ITSN1: variants seen among roughly 807,000 people sequenced by gnomAD.
ITSN1 encodes the protein intersectin 1.
Under a neutral mutation model 239.8 loss-of-function variants are expected in ITSN1, and 58 were observed. The ratio of observed to expected loss-of-function variants is 0.24; its 90% CI spans 0.20 to 0.30. ITSN1 has a LOEUF of 0.30. ITSN1 is among the 10% of genes least tolerant of loss of function. The probability of loss-of-function intolerance (pLI) is 1.00; values close to 1 mark genes in which losing one functional copy is unlikely to be tolerated. For synonymous variants in ITSN1, 780 were observed against 770.8 expected (o/e 1.01, Z -0.20); for missense variants, 1,558 against 2,103.3 (o/e 0.74, Z 5.07).
intron 25 of ITSN1, among the ~76,000 whole-genome samples, chr21:33,825,305 T>C (rs1302329860): frequency 6.6e-6 from 1 of 152,014 alleles, no homozygotes. Flanking sequence ...TAGATATACA[T>C]CTAGCTATAC....
At chr21:33,752,374 T>G (rs1343471619) in intron 7 of ITSN1, among the ~76,000 whole-genome samples, 1 of 152,174 alleles carries the variant, frequency 6.6e-6, no homozygotes, top group Non-Finnish European at 1.5e-5. Flanking sequence ...AAAATCCTAT[T>G]AAAGACGATT....
At chr21:33,781,635 C>T (rs2070189708) in intron 15 of ITSN1, 87 bp downstream of exon 15, 4 of 764,406 alleles carry the variant, frequency 5.2e-6, no homozygotes, top group South Asian at 2.0e-5. Context: ...GGCTGGAGTG[C>T]AGTGGCGCAA....
At chr21:33,848,439 G>T (rs1386092959) in intron 29 of ITSN1, among the ~76,000 whole-genome samples, 1 of 152,166 alleles carries the variant, frequency 6.6e-6, no homozygotes, top group African/African-American at 2.4e-5. Context: ...TTGTTTAAGC[G>T]GCTGGGTCTG....
In ITSN1 at chr21:33,883,596, C is replaced by T; in HGVS notation, c.4601C>T (p.Ser1534Phe). 4 of 1,613,984 alleles carry T rather than the reference C, an allele frequency of 2.5e-6. No homozygotes were observed. Among genetic ancestry groups the T allele is most frequent in the Non-Finnish European group, 3.4e-6 (4 of 1,179,876 alleles). Residue 1534 changes from serine (S) to phenylalanine (F), a missense_variant, in exon 36 of 40, where the codon TCT becomes TTT. Physicochemically the swap from Ser to Phe is radical, Grantham distance 155. Coordinates refer to ENST00000381318, the MANE Select transcript of ITSN1 (RefSeq NM_003024.3). ...EVLVKLPTDP[S>F]GDEPIFHISH... ...CTAGTAAAATTACCCACCGACCCTT[C>T]TGGAGACGAGCCCATCTTCCACATC...
intron 5 of ITSN1, among the ~76,000 whole-genome samples, chr21:33,742,699 G>A (rs1034124356): frequency 1.3e-5 from 2 of 152,184 alleles, no homozygotes; most frequent in Admixed American, 1.3e-4. Context: ...AAATGACTGG[G>A]AGTGGAATCA....
chr21:33,851,716 G>A (rs1286020970), intron 29 of ITSN1, among the ~76,000 whole-genome samples: 1 of 139,344 alleles, frequency 7.2e-6, no homozygotes, highest in Non-Finnish European at 1.6e-5. Flanking sequence ...TTTTTTTAAT[G>A]CTTGCTATTT....
chr21:33,673,656 G>T (rs1178197817), intron 1 of ITSN1, among the ~76,000 whole-genome samples: 5 of 151,142 alleles, frequency 3.3e-5, no homozygotes, highest in Non-Finnish European at 7.4e-5. Context: ...ACCCCTCAGT[G>T]GGGGTAATCC....
chr21:33,733,477 A>T (rs2147240828), intron 4 of ITSN1, among the ~76,000 whole-genome samples: 1 of 152,324 alleles, frequency 6.6e-6, no homozygotes, highest in Non-Finnish European at 1.5e-5. Context: ...ATGATAAAAG[A>T]AATATTTTAT....
chr21:33,869,353 C>T (rs1469168874), intron 33 of ITSN1, among the ~76,000 whole-genome samples: 1 of 152,148 alleles, frequency 6.6e-6, no homozygotes, highest in East Asian at 1.9e-4. Flanking sequence ...AAACCCCTTA[C>T]AAAACCATCA....
chr21:33,687,235 G>GA (rs34401325), intron 1 of ITSN1, among the ~76,000 whole-genome samples: 18,306 of 139,336 alleles, frequency 0.13, 1,294 homozygotes, highest in East Asian at 0.26. Context: ...TGTCTCAAAA[G>GA]AAAAAAAAAA....
chr21:33,720,229 A>G (rs1049213541), intron 2 of ITSN1, among the ~76,000 whole-genome samples: 3 of 152,202 alleles, frequency 2.0e-5, no homozygotes, highest in Admixed American at 1.3e-4. Context: ...CAGTGACTGA[A>G]TGGATTTTTA....
intron 33 of ITSN1, among the ~76,000 whole-genome samples, chr21:33,867,810 TTC>T (rs1555966759): frequency 8.1e-5 from 12 of 147,922 alleles, no homozygotes; most frequent in South Asian, 2.2e-4. Context: ...AGTTTCTTCC[TTC>T]TGGTGGGTTC....
intron 1 of ITSN1, among the ~76,000 whole-genome samples, chr21:33,656,811 A>T (rs529758783): frequency 1.3e-4 from 20 of 152,256 alleles, no homozygotes; most frequent in Non-Finnish European, 2.6e-4. Context: ...ACCAGGTTCA[A>T]GCAATTCTCC....
At position 33,767,809 on chromosome 21, in the gene ITSN1, A is replaced by G; in HGVS notation, c.1023A>G (p.Gln341=). ...EEPVLEDEQQ[Q]LEKKLPVTFE... ...CAGTTTTAGAAGATGAACAACAACA[A>G]TTAGAAAAGAAATTACCTGGTAAGG... is the stretch of plus-strand genomic sequence containing the variant. Residue 341 remains glutamine, a synonymous_variant, in exon 11 of 40, where the codon CAA becomes CAG. Coordinates refer to ENST00000381318, the MANE Select transcript of ITSN1 (RefSeq NM_003024.3). The G allele has an allele frequency of 1.9e-6, 3 of 1,598,654 alleles. No homozygotes were observed. In the South Asian group the frequency reaches 3.3e-5, roughly 18 times the overall value.
chr21:33,718,842 C>T lies in ITSN1; in HGVS notation c.14C>T (p.Pro5Leu), dbSNP rs959806083. Residue 5 changes from proline to leucine, a missense_variant, in exon 2 of 40, where the codon CCA (proline) becomes CTA (leucine). Pro to Leu is a moderately conservative substitution (Grantham distance 98). Coordinates refer to ENST00000381318, the MANE Select transcript of ITSN1 (RefSeq NM_003024.3). MAQFPTPFGGSLDIW... is the reference protein window; with the variant it reads MAQFLTPFGGSLDIW... ...AGTAACAGAACCATGGCTCAGTTTC[C>T]AACACCTTTTGGTGGTAAGTTTTCA... is the stretch of plus-strand genomic sequence containing the variant. 6.2e-7 allele frequency: 1 copy of T among 1,613,522 alleles called. No individual in the cohort carries two copies. The highest frequency in any genetic ancestry group is 8.5e-7 in the Non-Finnish European group (1 of 1,179,670).
At position 33,797,553 on chromosome 21, in the gene ITSN1, C is replaced by G. The variant is rs2071657641; in HGVS notation, c.2127C>G (p.Phe709Leu). ...QEAQDKLGRL[F>L]HQHQEPAKPA... ...CACAAGACAAGCTGGGTCGGCTTTTCCATCAACACCAAGAACCAGCTAAGC... is the reference window on the plus strand; with the variant it reads ...CACAAGACAAGCTGGGTCGGCTTTTGCATCAACACCAAGAACCAGCTAAGC... The change falls in exon 18 of 40, where the codon TTC becomes TTG. Residue 709 changes from phenylalanine (F) to leucine (L), a missense_variant. Coordinates refer to ENST00000381318, the MANE Select transcript of ITSN1 (RefSeq NM_003024.3). This position sits in a 1 kb window ranked among gnomAD's most constrained non-coding sequence, Gnocchi z 4.9. The G allele has an allele frequency of 2.5e-6, 4 of 1,614,038 alleles. No homozygotes were observed. Among genetic ancestry groups the G allele is most frequent in the Non-Finnish European group, 2.5e-6 (3 of 1,179,952 alleles).
chr21:33,678,767 G>A (rs2090751923), intron 1 of ITSN1, among the ~76,000 whole-genome samples: 1 of 152,224 alleles, frequency 6.6e-6, no homozygotes, highest in Non-Finnish European at 1.5e-5. Context: ...AGGCTGGAGT[G>A]TAGTGGCGCA....
At position 33,799,942 on chromosome 21, in the gene ITSN1, C is replaced by T; in HGVS notation, c.2304+13C>T. The T allele has an allele frequency of 6.2e-7, 1 of 1,610,796 alleles. No individual in the cohort carries two copies. Among genetic ancestry groups the T allele is most frequent in the South Asian group, 1.1e-5 (1 of 90,066 alleles). On this transcript the variant is annotated intron_variant, in intron 19 of 39. Transcript: ENST00000381318. ...AGACATAGTCATGGTAAGAAAGACT[C>T]CAGTGAGAGGGTCATTTCTGTTGAA...
At chr21:33,741,985 TA>T (rs1003859075) in intron 5 of ITSN1, among the ~76,000 whole-genome samples, 27 of 151,820 alleles carry the variant, frequency 1.8e-4, no homozygotes, top group African/African-American at 6.5e-4. Context: ...CAAAAAGACT[TA>T]AAAAGTAAAA....
Sources: gnomAD v4.1 joint callset for allele counts (sites outside exome capture counted in the v4.1 genomes callset) on GRCh38, gnomAD v4.1.1 for gene constraint, Gnocchi (gnomAD v3.1) non-coding constraint, MANE v1.5 for transcripts, NCBI Gene and HGNC (gene_info 2026-07-23, HGNC 2026-07-21) for gene names.